The following HDAC9 variants were observed in gnomAD, a reference collection of about 807,000 sequenced individuals.
HDAC9 encodes the protein MEF-2 interacting transcription repressor (MITR) protein.
Under a neutral mutation model 139.4 loss-of-function variants are expected in HDAC9, and 41 were observed. That is an observed-to-expected ratio of 0.29 (90% CI 0.23 to 0.38). The LOEUF is 0.38. Among genes scored for constraint, HDAC9 ranks in the 10% least tolerant of loss-of-function variants. The pLI, the probability that HDAC9 is intolerant of heterozygous loss-of-function variation, is 1.00. For missense variants in HDAC9, 1,147 were observed against 1,297.0 expected (o/e 0.88, Z 1.78); for synonymous variants, 517 against 476.2 (o/e 1.09, Z -1.12).
At chr7:18,650,379 A>G (rs1046319939) in intron 11 of HDAC9, among the ~76,000 whole-genome samples, 1 of 152,180 alleles carries the variant, frequency 6.6e-6, no homozygotes, top group Non-Finnish European at 1.5e-5. Flanking sequence ...ACATGGATGT[A>G]TATATTTTAC....
chr7:18,258,798 C>T (rs1381149682), intron 2 of HDAC9, among the ~76,000 whole-genome samples: 1 of 152,040 alleles, frequency 6.6e-6, no homozygotes, highest in African/African-American at 2.4e-5. Flanking sequence ...TACTATAAAT[C>T]AGTAGCTTCT....
intron 22 of HDAC9, among the ~76,000 whole-genome samples, chr7:18,927,021 G>T (rs1804292999): frequency 6.6e-6 from 1 of 151,870 alleles, no homozygotes; most frequent in Admixed American, 6.6e-5. Context: ...AAGAGTCCTG[G>T]GACATCAAAT....
At chr7:18,887,056 G>C (rs1022085411) in intron 22 of HDAC9, among the ~76,000 whole-genome samples, 8 of 152,182 alleles carry the variant, frequency 5.3e-5, no homozygotes, top group Admixed American at 3.3e-4. Flanking sequence ...CCAAGAATCA[G>C]CTATTAATAC....
chr7:18,726,640 G>A (rs964995170), intron 12 of HDAC9, among the ~76,000 whole-genome samples: 2 of 151,544 alleles, frequency 1.3e-5, no homozygotes, highest in Non-Finnish European at 2.9e-5. Flanking sequence ...ACTCCCTCAT[G>A]TTGAAGATAA....
chr7:18,356,405 C>A (rs1049817055), intron 1 of HDAC9, among the ~76,000 whole-genome samples: 3 of 101,232 alleles, frequency 3.0e-5, no homozygotes, highest in South Asian at 3.4e-4. Context: ...AAACTTGTAA[C>A]TCCCAAGCAT....
chr7:18,637,256 A>G (rs935969832), intron 8 of HDAC9, among the ~76,000 whole-genome samples: 7 of 152,130 alleles, frequency 4.6e-5, no homozygotes, highest in Admixed American at 4.6e-4. Context: ...GATAGTTACT[A>G]AAGAAGATAC....
At chr7:18,741,493 A>G (rs1006737442) in intron 13 of HDAC9, among the ~76,000 whole-genome samples, 3 of 152,076 alleles carry the variant, frequency 2.0e-5, no homozygotes, top group African/African-American at 4.8e-5. Context: ...TCAGGGGGGA[A>G]AAAAAGTTCC....
intron 2 of HDAC9, among the ~76,000 whole-genome samples, chr7:18,191,418 C>A (rs1368729185): frequency 6.6e-6 from 1 of 152,166 alleles, no homozygotes; most frequent in Non-Finnish European, 1.5e-5. Flanking sequence ...CACTCTGTAT[C>A]ATAATTTAAT....
intron 3 of HDAC9, among the ~76,000 whole-genome samples, chr7:18,588,782 C>A (rs896957553): frequency 5.3e-5 from 8 of 151,966 alleles, no homozygotes; most frequent in African/African-American, 1.9e-4. Flanking sequence ...GGTCTTTTTT[C>A]CCATGGTGAA....
At chr7:18,896,813 T>C (rs1036044445) in intron 22 of HDAC9, among the ~76,000 whole-genome samples, 3 of 152,072 alleles carry the variant, frequency 2.0e-5, no homozygotes, top group Non-Finnish European at 4.4e-5. Flanking sequence ...GCAAGAACAT[T>C]GTCTCAGACC....
At chr7:18,681,693 T>C (rs1781899479) in intron 12 of HDAC9, among the ~76,000 whole-genome samples, 3 of 152,014 alleles carry the variant, frequency 2.0e-5, no homozygotes, top group Admixed American at 1.3e-4. Flanking sequence ...TATAGATACA[T>C]GCACAGTTTA....
chr7:18,359,898 C>T (rs761839231), intron 1 of HDAC9, among the ~76,000 whole-genome samples: 4 of 152,118 alleles, frequency 2.6e-5, no homozygotes, highest in Admixed American at 1.3e-4. Context: ...TGTGAGCCAC[C>T]GTGCCTGGCC....
At chr7:18,520,966 T>C (rs1804834468) in intron 2 of HDAC9, among the ~76,000 whole-genome samples, 1 of 152,188 alleles carries the variant, frequency 6.6e-6, no homozygotes, top group African/African-American at 2.4e-5. Flanking sequence ...AATAAAGCCA[T>C]GAGAATGACA....
chr7:18,550,284 T>C (rs1267322932), intron 2 of HDAC9, among the ~76,000 whole-genome samples: 2 of 152,242 alleles, frequency 1.3e-5, no homozygotes, highest in Non-Finnish European at 2.9e-5. Context: ...TTTACTGTAC[T>C]ATATTCGATC....
intron 1 of HDAC9, among the ~76,000 whole-genome samples, chr7:18,401,400 A>G (rs1787529314): frequency 6.6e-6 from 1 of 152,172 alleles, no homozygotes; most frequent in Non-Finnish European, 1.5e-5. Flanking sequence ...AAGAGTGGCT[A>G]TGCTGGTGGT....
At chr7:18,624,250 T>A (rs756253231) in intron 6 of HDAC9, among the ~76,000 whole-genome samples, 16 of 152,192 alleles carry the variant, frequency 1.1e-4, no homozygotes, top group Non-Finnish European at 1.9e-4. Context: ...GAGACTAGTA[T>A]GAGAATGAAG....
intron 6 of HDAC9, among the ~76,000 whole-genome samples, chr7:18,597,180 C>T (rs891239971): frequency 2.0e-5 from 3 of 152,140 alleles, no homozygotes; most frequent in African/African-American, 7.2e-5. Flanking sequence ...TCTAATCATG[C>T]CCATTCCAAT....
At chr7:18,970,849 G>T (rs928225822) in intron 24 of HDAC9, among the ~76,000 whole-genome samples, 3 of 152,202 alleles carry the variant, frequency 2.0e-5, no homozygotes, top group South Asian at 2.1e-4. Flanking sequence ...CAGCTCTAAG[G>T]CTCCAAAATG....
chr7:18,946,462 G>GA (rs1019080023), intron 23 of HDAC9, among the ~76,000 whole-genome samples: 1 of 151,488 alleles, frequency 6.6e-6, no homozygotes, highest in Non-Finnish European at 1.5e-5. Context: ...TGAAGGAAAT[G>GA]AAAAAAAATT....
Sources: gnomAD v4.1 joint callset for allele counts (sites outside exome capture counted in the v4.1 genomes callset) on GRCh38, gnomAD v4.1.1 for gene constraint, MANE v1.5 for transcripts, NCBI Gene and HGNC (gene_info 2026-07-23, HGNC 2026-07-21) for gene names.